CCDC148: variants seen among roughly 807,000 people sequenced by gnomAD.
CCDC148 encodes the protein coiled-coil domain-containing protein 148.
Under a neutral mutation model 85.7 loss-of-function variants are expected in CCDC148, and 89 were observed. The ratio of observed to expected loss-of-function variants is 1.04; its 90% CI spans 0.87 to 1.24. CCDC148 has a LOEUF of 1.24. Among genes scored for constraint, CCDC148 ranks in the 50% most tolerant of loss-of-function variants. The pLI is 0.00. For synonymous variants in CCDC148, 230 were observed against 213.9 expected (o/e 1.08, Z -0.66); for missense variants, 692 against 671.7 (o/e 1.03, Z -0.33).
intron 9 of CCDC148, among the ~76,000 whole-genome samples, chr2:158,279,738 A>C (rs1690169242): frequency 6.6e-6 from 1 of 152,168 alleles, no homozygotes; most frequent in South Asian, 2.1e-4. Context: ...CCAATCTAGC[A>C]AGGCAGGCCA....
At position 158,433,231 on chromosome 2, in the gene CCDC148, G is replaced by C. The variant is rs141606890; in HGVS notation, c.25+23184C>G. On this transcript the variant is annotated intron_variant, in intron 1 of 13. Coordinates refer to ENST00000283233, the MANE Select transcript of CCDC148 (RefSeq NM_138803.4). The stretch of plus-strand genomic sequence containing the variant: ...GCTGAAATCAAACCACTGTACTATA[G>C]CCGGGGCAACAGAGTAAGTCCTTGA... 9.5e-3 allele frequency among the ~76,000 whole-genome samples: 1,268 copies of C among 133,870 alleles called. 24 individuals are homozygous for C. The highest frequency in any genetic ancestry group is 0.048 in the Middle Eastern group (11 of 230). The allele number at this position is 133,870 out of a possible 152,430, so 87.8% of individuals were successfully genotyped here.
At chr2:158,214,367 A>G (rs1452224717) in intron 11 of CCDC148, among the ~76,000 whole-genome samples, 3 of 152,226 alleles carry the variant, frequency 2.0e-5, no homozygotes, top group Non-Finnish European at 4.4e-5. Flanking sequence ...TTGTTGCAAC[A>G]TAAAAAATGA....
rs76759580 is a variant in CCDC148 at position 158,305,589 on chromosome 2, T to C, written c.1110+3844A>G. On this transcript the variant is annotated intron_variant, in intron 9 of 13. Transcript: ENST00000283233. Reference sequence around the variant, plus strand: ...AGCAAGACCCTGTCTCTACAAAATATTGAAAAACTGAAAAATTAGCCAGGC... The same window carrying C: ...AGCAAGACCCTGTCTCTACAAAATACTGAAAAACTGAAAAATTAGCCAGGC... Among the ~76,000 whole-genome samples the C allele has an allele frequency of 6.3e-3, 961 of 151,602 alleles. 12 individuals are homozygous for C. The highest frequency in any genetic ancestry group is 0.022 in the African/African-American group (917 of 41,294).
At chr2:158,276,080 G>T (rs963714899) in intron 9 of CCDC148, among the ~76,000 whole-genome samples, 4 of 152,134 alleles carry the variant, frequency 2.6e-5, no homozygotes, top group Non-Finnish European at 5.9e-5. Flanking sequence ...TATATGACTT[G>T]GAGCTTTTCA....
rs564497369 is a variant in CCDC148 at position 158,189,302 on chromosome 2, A to G, written c.1371-10306T>C. 1.6e-3 allele frequency among the ~76,000 whole-genome samples: 239 copies of G among 151,944 alleles called. 1 individual carries two copies. The highest frequency in any genetic ancestry group is 5.6e-3 in the African/African-American group (233 of 41,482). ...TTTTCTGCCTAAGCTAGTTTGAGTTAGGTTTTGTCAGTTGCTTCTGAAGAT... is the reference window on the plus strand; with the variant it reads ...TTTTCTGCCTAAGCTAGTTTGAGTTGGGTTTTGTCAGTTGCTTCTGAAGAT... On this transcript the variant is annotated intron_variant, in intron 11 of 13. Coordinates refer to ENST00000283233, the MANE Select transcript of CCDC148 (RefSeq NM_138803.4).
intron 1 of CCDC148, among the ~76,000 whole-genome samples, chr2:158,433,089 A>AT (rs57003336): frequency 0.16 from 10,528 of 64,368 alleles, 718 homozygotes; most frequent in Non-Finnish European, 0.23. Flanking sequence ...AAAAAAAAAA[A>AT]AAATATATAT....
At chr2:158,438,638 A>C (rs1185184490) in intron 1 of CCDC148, among the ~76,000 whole-genome samples, 1 of 152,146 alleles carries the variant, frequency 6.6e-6, no homozygotes, top group Non-Finnish European at 1.5e-5. Context: ...ATCTAATTAA[A>C]CTAAAGAGCT....
At chr2:158,347,566 C>T (rs781656983) in intron 2 of CCDC148, among the ~76,000 whole-genome samples, 1 of 152,066 alleles carries the variant, frequency 6.6e-6, no homozygotes, top group African/African-American at 2.4e-5. Context: ...GAAGTCAATA[C>T]TTAGGGTGGA....
At chr2:158,266,584 C>T (rs1295195422) in intron 9 of CCDC148, among the ~76,000 whole-genome samples, 1 of 152,096 alleles carries the variant, frequency 6.6e-6, no homozygotes, top group East Asian at 1.9e-4. Flanking sequence ...GAGCAGTATA[C>T]AGTGAACCCA....
intron 11 of CCDC148, among the ~76,000 whole-genome samples, chr2:158,181,722 A>T (rs1684913206): frequency 6.6e-6 from 1 of 152,150 alleles, no homozygotes; most frequent in South Asian, 2.1e-4. Flanking sequence ...GGTATGTCTT[A>T]AAAGACATTC....
rs535683293 is a variant in CCDC148 at position 158,278,707 on chromosome 2, C to T, written c.1111-27795G>A. On this transcript the variant is annotated intron_variant, in intron 9 of 13. Transcript: ENST00000283233. Reference sequence around the variant, plus strand: ...TCCGCCTCTGGGGGCAGGGCACAGACAAACAAAAAGACAGCAGTAACCTCT... The same window carrying T: ...TCCGCCTCTGGGGGCAGGGCACAGATAAACAAAAAGACAGCAGTAACCTCT... Among the ~76,000 whole-genome samples, 7 of 152,366 alleles carry T rather than the reference C, an allele frequency of 4.6e-5. No homozygotes were observed. In the South Asian group the frequency reaches 8.3e-4, roughly 18 times the overall value.
intron 1 of CCDC148, among the ~76,000 whole-genome samples, chr2:158,420,537 T>G (rs763041162): frequency 3.9e-5 from 6 of 152,080 alleles, no homozygotes; most frequent in Non-Finnish European, 8.8e-5. Flanking sequence ...AAGCAAATAC[T>G]GAGAGATTTT....
chr2:158,225,104 G>A (rs1484673932), intron 10 of CCDC148, among the ~76,000 whole-genome samples: 1 of 152,160 alleles, frequency 6.6e-6, no homozygotes, highest in Admixed American at 6.5e-5. Context: ...AAGGGATGGA[G>A]GAAGATCTAC....
At chr2:158,241,935 T>C (rs1346250578) in intron 10 of CCDC148, among the ~76,000 whole-genome samples, 1 of 152,204 alleles carries the variant, frequency 6.6e-6, no homozygotes, top group Admixed American at 6.5e-5. Context: ...TTTATTTGTT[T>C]GAACTATTTA....
chr2:158,192,324 G>C (rs1356749140), intron 11 of CCDC148, among the ~76,000 whole-genome samples: 1 of 151,962 alleles, frequency 6.6e-6, no homozygotes, highest in Non-Finnish European at 1.5e-5. Flanking sequence ...TCGTGGGCCA[G>C]AGAATAAAAC....
At chr2:158,340,150 C>T in intron 5 of CCDC148, 92 bp downstream of exon 5, 1 of 1,021,146 alleles carries the variant, frequency 9.8e-7, no homozygotes, top group Non-Finnish European at 1.4e-6. Flanking sequence ...AACTAATATA[C>T]AGGTCACACA....
chr2:158,312,596 A>C lies in CCDC148; in HGVS notation c.903+1160T>G, dbSNP rs894844657. ...TCCATCTCAAAAAAAAAAAAAAAAA[A>C]ACCAAAAAACAAAAAAGTAAATGTA... On this transcript the variant is annotated intron_variant, in intron 8 of 13. Coordinates refer to ENST00000283233, the MANE Select transcript of CCDC148 (RefSeq NM_138803.4). Among the ~76,000 whole-genome samples, 8 of 146,474 alleles carry C rather than the reference A, an allele frequency of 5.5e-5. No homozygotes were observed. The South Asian group carries it at 1.7e-3, about 32-fold the overall frequency.
chr2:158,327,348 C>T (rs904635690), intron 7 of CCDC148, among the ~76,000 whole-genome samples: 1 of 152,156 alleles, frequency 6.6e-6, no homozygotes, highest in Non-Finnish European at 1.5e-5. Flanking sequence ...TATTCAAACT[C>T]TTTAAGCAAA....
At chr2:158,320,445 A>C (rs1215263068) in intron 7 of CCDC148, among the ~76,000 whole-genome samples, 4 of 152,158 alleles carry the variant, frequency 2.6e-5, no homozygotes, top group African/African-American at 9.7e-5. Context: ...AAAAGATTAT[A>C]TTTTAACTGC....
Sources: allele counts gnomAD v4.1 joint callset (sites outside exome capture counted in the v4.1 genomes callset), GRCh38; gene constraint gnomAD v4.1.1; transcripts MANE v1.5; gene names NCBI Gene and HGNC (gene_info 2026-07-23, HGNC 2026-07-21).